The following SLC38A4 variants were observed in gnomAD, a reference collection of about 807,000 sequenced individuals.
The protein encoded by SLC38A4 is sodium-coupled neutral amino acid transporter 4.
Under a neutral mutation model 63.1 loss-of-function variants are expected in SLC38A4, and 20 were observed. The ratio of observed to expected loss-of-function variants is 0.32; its 90% confidence interval spans 0.22 to 0.46. The LOEUF (loss-of-function observed/expected upper bound fraction) is 0.46. Among genes scored for constraint, SLC38A4 ranks in the 20% least tolerant of loss-of-function variants. The pLI is 1.00. For synonymous variants in SLC38A4, 230 were observed against 225.5 expected (o/e 1.02, Z -0.18); for missense variants, 526 against 663.6 (o/e 0.79, Z 2.28).
intron 2 of SLC38A4, among the ~76,000 whole-genome samples, chr12:46,800,044 A>G (rs1388968522): frequency 2.0e-5 from 3 of 152,160 alleles, no homozygotes; most frequent in African/African-American, 7.2e-5. Context: ...GCTGGCAAAC[A>G]CTGTAATTGA....
At chr12:46,785,208 G>A (rs751249108) in intron 5 of SLC38A4, 31 bp from the exon 6 acceptor site, 2 of 1,491,254 alleles carry the variant, frequency 1.3e-6, no homozygotes, top group South Asian at 1.1e-5. Context: ...AGGTAATAAA[G>A]TTTCTACAAT....
chr12:46,791,805 T>C (rs1938894480), intron 3 of SLC38A4, among the ~76,000 whole-genome samples: 2 of 151,494 alleles, frequency 1.3e-5, no homozygotes, highest in African/African-American at 4.9e-5. Context: ...GGGAGTAGAG[T>C]AATTTGGAAA....
intron 7 of SLC38A4, among the ~76,000 whole-genome samples, chr12:46,780,353 GT>G (rs778687989): frequency 1.8e-4 from 27 of 152,156 alleles, no homozygotes; most frequent in Non-Finnish European, 3.2e-4. Flanking sequence ...GCCTGTGTTA[GT>G]GTCTATAACT....
At chr12:46,784,764 A>G in intron 6 of SLC38A4, 130 bp from the exon 7 acceptor site, 2 of 679,614 alleles carry the variant, frequency 2.9e-6, no homozygotes, top group Non-Finnish European at 4.8e-6. Context: ...AGCCCAAAAG[A>G]TGCAACCTCA....
At chr12:46,788,764 G>C in intron 3 of SLC38A4, 146 bp from the exon 4 acceptor site, 1 of 662,998 alleles carries the variant, frequency 1.5e-6, no homozygotes, top group Non-Finnish European at 2.6e-6. Context: ...CACACTAACG[G>C]TCATTCCAGA....
chr12:46,799,031 A>G (rs1022715776), intron 2 of SLC38A4, among the ~76,000 whole-genome samples: 1 of 152,318 alleles, frequency 6.6e-6, no homozygotes, highest in East Asian at 1.9e-4. Context: ...ACCACAAAGC[A>G]GTGTTGTGAG....
chr12:46,776,689 G>A (rs1040720756), intron 13 of SLC38A4, among the ~76,000 whole-genome samples: 9 of 152,006 alleles, frequency 5.9e-5, no homozygotes, highest in Admixed American at 3.9e-4. Context: ...TATAAAATAG[G>A]TGTTAATTCA....
intron 16 of SLC38A4, 134 bp from the exon 17 acceptor site, chr12:46,766,936 C>A: frequency 1.7e-6 from 1 of 589,196 alleles, no homozygotes; most frequent in South Asian, 2.3e-5. Context: ...GATGCCCAGG[C>A]CTAACCTATC....
intron 1 of SLC38A4, among the ~76,000 whole-genome samples, chr12:46,812,513 T>C (rs1939360101): frequency 6.6e-6 from 1 of 152,186 alleles, no homozygotes; most frequent in South Asian, 2.1e-4. Context: ...TCTGACTCCA[T>C]AAATTACTAG....
At chr12:46,796,878 A>C (rs1214048803) in intron 2 of SLC38A4, among the ~76,000 whole-genome samples, 1 of 152,108 alleles carries the variant, frequency 6.6e-6, no homozygotes, top group Non-Finnish European at 1.5e-5. Context: ...CCCATGATCT[A>C]TGCCTCCTCT....
Position 46,821,473 on chromosome 12 carries a change from T to A in SLC38A4, c.-305+4430A>T, listed in dbSNP as rs142003165. ...TTGTTGAAGATCAGTTGGCCATATA[T>A]GTGTGGGCTTACTTCTGGGCTCTCT... On this transcript the variant is annotated intron_variant, in intron 1 of 16. Transcript: ENST00000266579. Among the ~76,000 whole-genome samples, 44 of 152,244 alleles carry A rather than the reference T, an allele frequency of 2.9e-4. No homozygotes were observed. In the East Asian group the frequency reaches 5.8e-3, roughly 20 times the overall value.
chr12:46,826,447 G>A (rs1353894852), upstream of SLC38A4, among the ~76,000 whole-genome samples: 2 of 152,166 alleles, frequency 1.3e-5, no homozygotes. Flanking sequence ...CTATTTTATT[G>A]AGTGTTTACG....
intron 2 of SLC38A4, among the ~76,000 whole-genome samples, chr12:46,799,815 T>A (rs1939093444): frequency 1.3e-5 from 2 of 152,184 alleles, no homozygotes; most frequent in African/African-American, 4.8e-5. Flanking sequence ...GCCTTTAGAC[T>A]ATATCATAAT....
chr12:46,813,449 G>T (rs1939378367), intron 1 of SLC38A4, among the ~76,000 whole-genome samples: 1 of 151,942 alleles, frequency 6.6e-6, no homozygotes. Context: ...CATTGACTCT[G>T]GAGTTCAAAC....
chr12:46,830,306 A>T (rs61927431), upstream of SLC38A4, among the ~76,000 whole-genome samples: 72,332 of 144,668 alleles, frequency 0.5, 18,373 homozygotes, highest in Non-Finnish European at 0.57. Flanking sequence ...TCTCACACAC[A>T]CACACACACA....
chr12:46,813,262 A>G (rs995575856), intron 1 of SLC38A4, among the ~76,000 whole-genome samples: 16 of 152,094 alleles, frequency 1.1e-4, no homozygotes, highest in African/African-American at 3.1e-4. Context: ...CTGCATACCT[A>G]TATCTATGTC....
chr12:46,790,751 TA>T (rs575539115), intron 3 of SLC38A4, among the ~76,000 whole-genome samples: 1,719 of 151,530 alleles, frequency 0.011, 23 homozygotes, highest in Non-Finnish European at 0.017. Context: ...TTGTATAAAA[TA>T]GATGAGAAAT....
At chr12:46,776,826 T>C (rs576025485) in intron 13 of SLC38A4, 78 bp downstream of exon 13, 2 of 1,292,112 alleles carry the variant, frequency 1.5e-6, no homozygotes, top group Admixed American at 3.4e-5. Context: ...AGGCAATTTT[T>C]AAAAATCATA....
chr12:46,829,320 T>C (rs975416914), upstream of SLC38A4, among the ~76,000 whole-genome samples: 1 of 152,210 alleles, frequency 6.6e-6, no homozygotes, highest in Non-Finnish European at 1.5e-5. Context: ...ATGATTTCAA[T>C]TGATAGGTGG....
Sources: allele counts gnomAD v4.1 joint callset (sites outside exome capture counted in the v4.1 genomes callset), GRCh38; gene constraint gnomAD v4.1.1; transcripts MANE v1.5; gene names NCBI Gene and HGNC (gene_info 2026-07-23, HGNC 2026-07-21).